MIDEAS: variants seen among roughly 807,000 people sequenced by gnomAD.
MIDEAS encodes the protein mitotic deacetylase-associated SANT domain protein.
In MIDEAS, 26 loss-of-function variants were observed where a neutral mutation model predicts 102.7. The ratio of observed to expected loss-of-function variants is 0.25; its 90% CI spans 0.19 to 0.35. The LOEUF (loss-of-function observed/expected upper bound fraction) is 0.35. MIDEAS is among the 10% of genes least tolerant of loss of function. MIDEAS has a pLI of 1.00. For missense variants in MIDEAS, 1,231 were observed against 1,435.6 expected, an observed-to-expected ratio of 0.86 and a Z score of 2.30; for synonymous variants, 585 against 591.0, an observed-to-expected ratio of 0.99 and a Z score of 0.15.
At position 73,725,838 on chromosome 14, in the gene MIDEAS, C is replaced by T. The variant is rs894431727; in HGVS notation, c.2485+195G>A. 1.3e-5 allele frequency among the ~76,000 whole-genome samples: 2 copies of T among 152,172 alleles called. No homozygotes were observed. Among genetic ancestry groups the T allele is most frequent in the Non-Finnish European group, 2.9e-5 (2 of 68,024 alleles). On this transcript the variant is annotated intron_variant, in intron 8 of 12. Coordinates refer to ENST00000423556, the MANE Select transcript of MIDEAS (RefSeq NM_001367710.1). This position sits in a 1 kb window ranked among gnomAD's most constrained non-coding sequence, Gnocchi z 4.1. ...TCCCACCTGCCCACTCCCTTCTCCC[C>T]TCCCCTCCAGGGCACAGGAAACCCC...
chr14:73,721,344 G>T lies in MIDEAS; in HGVS notation c.2890C>A (p.Arg964=), dbSNP rs1436646811. 6.2e-7 allele frequency: 1 copy of T among 1,613,796 alleles called. No individual in the cohort carries two copies. Among genetic ancestry groups the T allele is most frequent in the Non-Finnish European group, 8.5e-7 (1 of 1,180,020 alleles). The change falls in exon 11 of 13, where the codon CGG becomes AGG. Residue 964 remains arginine (R), a synonymous_variant. Coordinates refer to ENST00000423556, the MANE Select transcript of MIDEAS (RefSeq NM_001367710.1). ...EQEEGRERSR[R]AAAVKATQTL... ...TGCGTGGCTTTGACTGCCGCTGCCC[G>T]CCTGCTGCGCTCTCGCCCCTCTTCC...
At chr14:73,741,705 C>T (rs1595271430) in intron 1 of MIDEAS, among the ~76,000 whole-genome samples, 1 of 152,174 alleles carries the variant, frequency 6.6e-6, no homozygotes, top group African/African-American at 2.4e-5. Context: ...CTGCCTCCTG[C>T]CCGCCTGCGT....
At chr14:73,730,904 G>T (rs933576376) in intron 3 of MIDEAS, among the ~76,000 whole-genome samples, 6 of 152,182 alleles carry the variant, frequency 3.9e-5, no homozygotes, top group Non-Finnish European at 7.3e-5. Context: ...GTTGCAGTGA[G>T]CCAAGGTCGT....
chr14:73,728,379 A>G (rs531606294), intron 4 of MIDEAS: 1 of 151,428 alleles, frequency 6.6e-6, no homozygotes, highest in East Asian at 1.9e-4. Context: ...CCCACCACCC[A>G]TGTGCCTGGA....
upstream of MIDEAS, chr14:73,787,365 G>C (rs1222633362): frequency 1.3e-5 from 2 of 151,702 alleles, no homozygotes; most frequent in East Asian, 3.9e-4. Context: ...GCGCGCCCTC[G>C]GCTGCGGGGT....
At chr14:73,736,962 C>G in intron 3 of MIDEAS, 36 bp downstream of exon 3, 1 of 1,588,972 alleles carries the variant, frequency 6.3e-7, no homozygotes, top group Non-Finnish European at 8.6e-7. Flanking sequence ...TGAGCACTCA[C>G]GCGCTGGAGG....
intron 9 of MIDEAS, chr14:73,723,197 T>C (rs1393891172): frequency 1.8e-5 from 3 of 163,794 alleles, no homozygotes; most frequent in African/African-American, 7.2e-5. Context: ...CAGGCTGGAG[T>C]GCAGTGACGC....
In MIDEAS at chr14:73,716,939, T is replaced by A. The variant is rs1477526998; in HGVS notation, c.*1904A>T. The A allele has an allele frequency of 6.6e-6, 1 of 152,652 alleles. No homozygotes were observed. Among genetic ancestry groups the A allele is most frequent in the East Asian group, 1.9e-4 (1 of 5,198 alleles). The allele number at this position is 152,652 out of a possible 1,614,324, so 9.5% of individuals were successfully genotyped here. On this transcript the variant is annotated 3_prime_UTR_variant, in exon 13 of 13. Transcript: ENST00000423556. The stretch of plus-strand genomic sequence containing the variant: ...GCTACCCCCCTGCTTCTACAGGGTA[T>A]ACCAGATTTTTGCTGTCTTGGGACA...
chr14:73,778,946 G>A (rs1381347335), intron 1 of MIDEAS, among the ~76,000 whole-genome samples: 1 of 151,934 alleles, frequency 6.6e-6, no homozygotes, highest in Non-Finnish European at 1.5e-5. Context: ...ACAGGACAAT[G>A]GAATCTGTTC....
intron 1 of MIDEAS, among the ~76,000 whole-genome samples, chr14:73,770,362 C>CGATGAT (rs10536715): frequency 6.6e-6 from 1 of 151,344 alleles, no homozygotes; most frequent in African/African-American, 2.4e-5. Context: ...ATGATGATGA[C>CGATGAT]GATGATGATG....
At chr14:73,782,734 A>C (rs1216269887) in intron 1 of MIDEAS, among the ~76,000 whole-genome samples, 1 of 152,254 alleles carries the variant, frequency 6.6e-6, no homozygotes, top group East Asian at 1.9e-4. Flanking sequence ...CCTCAGAGCC[A>C]GAGCAGAGGT....
intron 3 of MIDEAS, among the ~76,000 whole-genome samples, chr14:73,733,520 C>T (rs895374935): frequency 6.6e-6 from 1 of 151,712 alleles, no homozygotes; most frequent in African/African-American, 2.4e-5. Flanking sequence ...ACCTGGGAGG[C>T]GGAGGCTGCA....
chr14:73,737,767 C>T (rs933280650), intron 2 of MIDEAS, among the ~76,000 whole-genome samples: 3 of 149,056 alleles, frequency 2.0e-5, no homozygotes, highest in East Asian at 3.9e-4. Context: ...ACCTTTTCTC[C>T]GACCACTTTT....
intron 11 of MIDEAS, among the ~76,000 whole-genome samples, chr14:73,720,236 C>CTTTT (rs33980532): frequency 2.6e-5 from 3 of 116,740 alleles, no homozygotes; most frequent in Admixed American, 9.2e-5. Flanking sequence ...ACACACATTC[C>CTTTT]TTTTTTTTTT....
In MIDEAS at chr14:73,739,476, T is replaced by A. The variant is rs35082966; in HGVS notation, c.533A>T (p.Tyr178Phe). Residue 178 changes from tyrosine (Y) to phenylalanine (F), a missense_variant, in exon 2 of 13, where the codon TAT (tyrosine) becomes TTT (phenylalanine). Physicochemically the swap from Tyr to Phe is conservative, Grantham distance 22. Around this residue, in one of 5 missense-constraint regions of MIDEAS, gnomAD observed 758 missense variants for 856.0 expected, o/e 0.89. Coordinates refer to ENST00000423556, the MANE Select transcript of MIDEAS (RefSeq NM_001367710.1). The part of the protein sequence containing the change: ...EKAGGPQLDR[Y>F]VRPMMPQKVQ... ...CTTCTGTGGCATCATTGGTCGCACA[T>A]AGCGGTCCAGCTGTGGGCCCCCCGC... 1.4e-4 allele frequency: 230 copies of A among 1,609,364 alleles called. No homozygotes were observed. The African/African-American group carries it at 2.9e-3, about 20-fold the overall frequency.
rs938408553 is a variant in MIDEAS at position 73,726,127 on chromosome 14, A to G, written c.2410-19T>C. On this transcript the variant is annotated intron_variant, in intron 7 of 12. Transcript: ENST00000423556. ...GCGTTTCCTGGAGGGGAAGTGAGGG[A>G]AGGGTCAGGGCACTGACAGGGGTGT... The G allele has an allele frequency of 1.3e-5, 20 of 1,575,232 alleles. No individual in the cohort carries two copies. Among genetic ancestry groups the G allele is most frequent in the Non-Finnish European group, 1.5e-5 (17 of 1,159,334 alleles).
In MIDEAS at chr14:73,727,508, G is replaced by C. The variant is rs768514814; in HGVS notation, c.2112C>G (p.Thr704=). ...CCCCCATCACAGAGAGGACAGGCGG[G>C]GTTACTTCAGCACTGTCTATGGGAC... The part of the protein sequence containing the change: ...TLLRTNSAEV[T]PPVLSVMGEA... Residue 704 remains threonine, a synonymous_variant, in exon 5 of 13, where the codon ACC becomes ACG. Transcript: ENST00000423556. 7.4e-6 allele frequency: 12 copies of C among 1,612,626 alleles called. No homozygotes were observed. The Middle Eastern group carries it at 9.9e-4, about 133-fold the overall frequency.
rs375272031 is a variant in MIDEAS at position 73,726,625 on chromosome 14, G to A, written c.2388C>T (p.His796=). The A allele has an allele frequency of 6.8e-6, 11 of 1,614,068 alleles. No homozygotes were observed. In the African/African-American group the frequency reaches 8.0e-5, roughly 12 times the overall value. Residue 796 remains histidine (H), a synonymous_variant, in exon 7 of 13, where the codon CAC becomes CAT. Transcript: ENST00000423556. ...TNQELALHCL[H]ESRGDILETL... is the part of the protein sequence containing the mutation. ...TCACCAGGATGTCTCCTCTGGATTCGTGCAGACAGTGCAGGGCCAGCTCCT... is the reference window on the plus strand; with the variant it reads ...TCACCAGGATGTCTCCTCTGGATTCATGCAGACAGTGCAGGGCCAGCTCCT...
rs2052902479 is a variant in MIDEAS at position 73,717,009 on chromosome 14, G to C, written c.*1834C>G. 1 of 152,642 alleles carries C rather than the reference G, an allele frequency of 6.6e-6. No individual in the cohort carries two copies. The allele number at this position is 152,642 out of a possible 1,614,324, so 9.5% of individuals were successfully genotyped here. A position where few individuals can be genotyped will look rare whatever the true frequency, so the allele number is the denominator to read the frequency against. Reference sequence around the variant, plus strand: ...TGGAGGAAACTAACCGGTAAGCTGGGGATCTAGGTAGTCATCCAAGAGTCT... The same window carrying C: ...TGGAGGAAACTAACCGGTAAGCTGGCGATCTAGGTAGTCATCCAAGAGTCT... On this transcript the variant is annotated 3_prime_UTR_variant, in exon 13 of 13. Coordinates refer to ENST00000423556, the MANE Select transcript of MIDEAS (RefSeq NM_001367710.1).
Sources: gnomAD v4.1 joint callset for allele counts (sites outside exome capture counted in the v4.1 genomes callset) on GRCh38, gnomAD v4.1.1 for gene constraint, gnomAD v4.1.1 regional missense constraint, Gnocchi (gnomAD v3.1) non-coding constraint, MANE v1.5 for transcripts, NCBI Gene and HGNC (gene_info 2026-07-23, HGNC 2026-07-21) for gene names.